ZNF341: variants seen among roughly 807,000 people sequenced by gnomAD.
ZNF341 encodes zinc finger protein 341.
ZNF341 carries 52 observed loss-of-function variants against 87.7 expected under a neutral mutation model. That is an observed-to-expected ratio of 0.59 (90% CI 0.47 to 0.75). The LOEUF is 0.75. ZNF341 is among the 30% of genes least tolerant of loss of function. The pLI is 0.00. For synonymous variants in ZNF341, 459 were observed against 472.7 expected (o/e 0.97, Z 0.38); for missense variants, 977 against 1,145.9 (o/e 0.85, Z 2.13).
Position 33,766,991 on chromosome 20 carries a change from A to T in ZNF341, c.1363A>T (p.Ser455Cys). ...YLCQFCPSKFSTYFQLKSHMT... is the reference protein window; with the variant it reads ...YLCQFCPSKFCTYFQLKSHMT... ...GTGCCAATTCTGCCCCAGCAAATTC[A>T]GCACCTACTTCCAGCTCAAGTCTCA... Residue 455 changes from serine to cysteine, a missense_variant, in exon 9 of 15, where the codon AGC (serine) becomes TGC (cysteine). By Grantham distance (112) the Ser-to-Cys change is moderately radical (BLOSUM62 -1). Coordinates refer to ENST00000375200, the MANE Select transcript of ZNF341 (RefSeq NM_001282933.2). The T allele has an allele frequency of 6.2e-7, 1 of 1,614,192 alleles. No homozygotes were observed. The highest frequency in any genetic ancestry group is 8.5e-7 in the Non-Finnish European group (1 of 1,180,018).
At chr20:33,765,783 G>A (rs1414443930) in intron 8 of ZNF341, among the ~76,000 whole-genome samples, 1 of 152,200 alleles carries the variant, frequency 6.6e-6, no homozygotes. Flanking sequence ...TATGTGCCAG[G>A]CCACTGGGCC....
chr20:33,783,449 G>A (rs956081381), intron 11 of ZNF341, among the ~76,000 whole-genome samples: 2 of 152,176 alleles, frequency 1.3e-5, no homozygotes, highest in Non-Finnish European at 2.9e-5. Flanking sequence ...TGACGCCCGA[G>A]TTGGGTCTTG....
At position 33,732,423 on chromosome 20, in the gene ZNF341, C is replaced by T. The variant is rs976986727; in HGVS notation, c.31+371C>T. On this transcript the variant is annotated intron_variant, in intron 1 of 14. Coordinates refer to ENST00000375200, the MANE Select transcript of ZNF341 (RefSeq NM_001282933.2). The surrounding 1 kb of genome is among the most constrained non-coding windows in gnomAD (Gnocchi z 4.5). ...AGGCGGCTTGGCGGCGCGCGGGGCC[C>T]GGGACGGGGGTGCGGTCGCAGCTGC... Among the ~76,000 whole-genome samples the T allele has an allele frequency of 5.3e-5, 8 of 151,846 alleles. No homozygotes were observed. Among genetic ancestry groups the T allele is most frequent in the African/African-American group, 1.7e-4 (7 of 41,360 alleles).
chr20:33,790,174 C>G (rs372715095), intron 14 of ZNF341, among the ~76,000 whole-genome samples: 1 of 151,178 alleles, frequency 6.6e-6, no homozygotes, highest in Non-Finnish European at 1.5e-5. Flanking sequence ...CAGGTTCAAG[C>G]GATTCTCTTG....
intron 2 of ZNF341, among the ~76,000 whole-genome samples, chr20:33,742,467 T>G (rs915350621): frequency 2.6e-5 from 4 of 152,252 alleles, no homozygotes; most frequent in Non-Finnish European, 5.9e-5. Context: ...AGTGCTGGGA[T>G]TGCAGGCGTG....
intron 12 of ZNF341, among the ~76,000 whole-genome samples, chr20:33,784,643 C>G (rs999466390): frequency 2.4e-4 from 35 of 148,662 alleles, no homozygotes; most frequent in Non-Finnish European, 5.9e-5. Flanking sequence ...GAGACAAAGT[C>G]TCGCTCTTGT....
At chr20:33,779,208 G>A (rs2019689203) in intron 10 of ZNF341, among the ~76,000 whole-genome samples, 1 of 152,046 alleles carries the variant, frequency 6.6e-6, no homozygotes, top group African/African-American at 2.4e-5. Flanking sequence ...GCCAGAGCAG[G>A]AGCCAGATAG....
At chr20:33,751,770 T>A (rs985790004) in intron 4 of ZNF341, among the ~76,000 whole-genome samples, 4 of 151,908 alleles carry the variant, frequency 2.6e-5, no homozygotes, top group Non-Finnish European at 5.9e-5. Flanking sequence ...AGAGATGGGG[T>A]TTTGCCATGT....
chr20:33,781,229 G>A lies in ZNF341; in HGVS notation c.1623-62G>A, dbSNP rs572262831. The A allele has an allele frequency of 3.9e-5, 51 of 1,308,752 alleles. No individual in the cohort carries two copies. The East Asian group carries it at 8.1e-4, about 21-fold the overall frequency. 81.1% of individuals were successfully genotyped at this position (1,308,752 alleles called of 1,614,324 possible). On this transcript the variant is annotated intron_variant, in intron 10 of 14. Coordinates refer to ENST00000375200, the MANE Select transcript of ZNF341 (RefSeq NM_001282933.2). The stretch of plus-strand genomic sequence containing the variant: ...TCCTAATGTTGGCCCTGGGGTGGCC[G>A]GGGCGCTGCTTCCTATGCCTGCTGT...
At chr20:33,768,643 G>A (rs1601270469) in intron 9 of ZNF341, among the ~76,000 whole-genome samples, 1 of 152,116 alleles carries the variant, frequency 6.6e-6, no homozygotes. Context: ...GGCTGGTCTC[G>A]AACTCCTGGG....
chr20:33,791,328 G>A lies in ZNF341; in HGVS notation c.2376G>A (p.Pro792=), dbSNP rs779381545. 116 of 1,611,656 alleles carry A rather than the reference G, an allele frequency of 7.2e-5. No individual in the cohort carries two copies. Among genetic ancestry groups the A allele is most frequent in the Middle Eastern group, 3.3e-4 (2 of 6,068 alleles). ...GLVPEAVPGK[P]PFAEPDAVLS... ...TGCCCGAGGCTGTCCCCGGCAAGCCGCCCTTCGCAGAGCCGGACGCGGTGC... is the reference window on the plus strand; with the variant it reads ...TGCCCGAGGCTGTCCCCGGCAAGCCACCCTTCGCAGAGCCGGACGCGGTGC... Residue 792 remains proline (P), a synonymous_variant, in exon 15 of 15, where the codon CCG becomes CCA. Coordinates refer to ENST00000375200, the MANE Select transcript of ZNF341 (RefSeq NM_001282933.2).
intron 2 of ZNF341, among the ~76,000 whole-genome samples, chr20:33,744,881 T>C (rs1378562219): frequency 6.6e-6 from 1 of 152,148 alleles, no homozygotes; most frequent in Non-Finnish European, 1.5e-5. Flanking sequence ...CATGAGCCAC[T>C]GTGCCTGGCC....
chr20:33,787,542 A>T (rs1376624783), intron 12 of ZNF341: 1 of 152,218 alleles, frequency 6.6e-6, no homozygotes. Context: ...CCCCTTCCAA[A>T]GGGCAGGCTG....
chr20:33,763,854 T>A (rs2019343481), intron 8 of ZNF341, among the ~76,000 whole-genome samples: 1 of 151,912 alleles, frequency 6.6e-6, no homozygotes, highest in South Asian at 2.1e-4. Flanking sequence ...AGAGCAGCGC[T>A]GCCCAACAGA....
chr20:33,790,490 C>CAA (rs1464438674), intron 14 of ZNF341, among the ~76,000 whole-genome samples: 3 of 152,128 alleles, frequency 2.0e-5, no homozygotes, highest in Admixed American at 1.3e-4. Context: ...TTGTGACAAC[C>CAA]AAAAATGTCT....
chr20:33,771,075 C>T (rs929645908), intron 10 of ZNF341, among the ~76,000 whole-genome samples: 1 of 151,858 alleles, frequency 6.6e-6, no homozygotes, highest in Non-Finnish European at 1.5e-5. Flanking sequence ...TGAGCTGAGA[C>T]CGTGTCACTG....
chr20:33,775,358 C>A (rs1385354812), intron 10 of ZNF341, among the ~76,000 whole-genome samples: 1 of 151,832 alleles, frequency 6.6e-6, no homozygotes, highest in Non-Finnish European at 1.5e-5. Context: ...TACAAGGCAC[C>A]TGCCACCATG....
chr20:33,757,273 G>A lies in ZNF341; in HGVS notation c.867G>A (p.Thr289=), dbSNP rs139823068. 52 of 1,605,342 alleles carry A rather than the reference G, an allele frequency of 3.2e-5. No individual in the cohort carries two copies. Among genetic ancestry groups the A allele is most frequent in the Admixed American group, 2.9e-4 (17 of 58,322 alleles). The change falls in exon 6 of 15, where the codon ACG becomes ACA. Residue 289 remains threonine, a synonymous_variant. Coordinates refer to ENST00000375200, the MANE Select transcript of ZNF341 (RefSeq NM_001282933.2). ...AAPMTSATGG[T]VATFDSPATL... ...CCATGACCAGCGCCACCGGGGGCAC[G>A]GTGGCCACCTTTGACTCTCCAGCAA...
intron 7 of ZNF341, among the ~76,000 whole-genome samples, chr20:33,759,458 AT>A (rs2019249026): frequency 6.6e-6 from 1 of 151,958 alleles, no homozygotes; most frequent in African/African-American, 2.4e-5. Context: ...CTAATTTTGT[AT>A]TTTTGGTAGA....
Sources: allele counts gnomAD v4.1 joint callset (sites outside exome capture counted in the v4.1 genomes callset), GRCh38; gene constraint gnomAD v4.1.1; non-coding constraint Gnocchi (gnomAD v3.1); transcripts MANE v1.5; gene names NCBI Gene and HGNC (gene_info 2026-07-23, HGNC 2026-07-21).